The following MACF1 variants were observed in gnomAD, a reference collection of about 807,000 sequenced individuals.
MACF1 encodes the protein microtubule-actin cross-linking factor 1.
MACF1 carries 193 observed loss-of-function variants against 854.8 expected under a neutral mutation model. That is an observed-to-expected ratio of 0.23 (90% confidence interval 0.20 to 0.25). The LOEUF (loss-of-function observed/expected upper bound fraction) is 0.25, where lower values mean the gene tolerates loss of function less well. MACF1 is among the 10% of genes least tolerant of loss of function. MACF1 has a pLI of 1.00. For missense variants in MACF1, 7,722 were observed against 8,929.1 expected, an observed-to-expected ratio of 0.86 and a Z score of 5.45; for synonymous variants, 3,185 against 3,226.7, an observed-to-expected ratio of 0.99 and a Z score of 0.44.
Position 39,486,072 on chromosome 1 carries a change from A to G in MACF1, c.*278A>G, listed in dbSNP as rs540418317. 2 of 223,156 alleles carry G rather than the reference A, an allele frequency of 9.0e-6. No individual in the cohort carries two copies. Among genetic ancestry groups the G allele is most frequent in the African/African-American group, 4.6e-5 (2 of 43,084 alleles). 13.8% of individuals were successfully genotyped at this position (223,156 alleles called of 1,614,324 possible). The stretch of plus-strand genomic sequence containing the variant: ...AAGGTCAAGATACAAATGTGTATTA[A>G]AAAAAAAAAAGCCTATTAATAGGGT... On this transcript the variant is annotated 3_prime_UTR_variant, in exon 101 of 101. Transcript: ENST00000564288.
chr1:39,458,415 G>T lies in MACF1; in HGVS notation c.21121G>T (p.Val7041Phe). 6.2e-7 allele frequency: 1 copy of T among 1,614,076 alleles called. No individual in the cohort carries two copies. Among genetic ancestry groups the T allele is most frequent in the South Asian group, 1.1e-5 (1 of 91,070 alleles). ...TCGCAAACAGCCTGACGTGGACCGG[G>T]TCACCAAGACATACAAAAGGAAAAA... ...MTRKQPDVDR[V>F]TKTYKRKNIE... The change falls in exon 90 of 101, where the codon GTC becomes TTC. Residue 7041 changes from valine to phenylalanine, a missense_variant. Physicochemically the swap from Val to Phe is conservative, Grantham distance 50. Around this residue, in one of 15 missense-constraint regions of MACF1, gnomAD observed 729 missense variants for 900.5 expected, o/e 0.81. Coordinates refer to ENST00000564288, the MANE Select transcript of MACF1 (RefSeq NM_001394062.1).
chr1:39,338,504 A>G (rs1646867205), intron 38 of MACF1, among the ~76,000 whole-genome samples: 1 of 152,208 alleles, frequency 6.6e-6, no homozygotes, highest in African/African-American at 2.4e-5. Flanking sequence ...ACGGGCTTAT[A>G]ATTGGTTTAA....
chr1:39,208,578 C>T (rs1644479887), intron 1 of MACF1, among the ~76,000 whole-genome samples: 1 of 151,902 alleles, frequency 6.6e-6, no homozygotes, highest in Non-Finnish European at 1.5e-5. Flanking sequence ...CTCAACCTCC[C>T]GAGTAGCTGA....
At position 39,332,742 on chromosome 1, in the gene MACF1, C is replaced by T; in HGVS notation, c.6154C>T (p.Pro2052Ser). Reference sequence around the variant, plus strand: ...GTTTTCTTCTCAGAACAAAGAATATCCCGATCGGGAAGATTGCACTACAGA... The same window carrying T: ...GTTTTCTTCTCAGAACAAAGAATATTCCGATCGGGAAGATTGCACTACAGA... ...FQFSSQNKEY[P>S]DREDCTTEKG... The change falls in exon 37 of 101, where the codon CCC becomes TCC. Residue 2052 changes from proline to serine, a missense_variant. Pro to Ser is a moderately conservative substitution (Grantham distance 74, BLOSUM62 -1). Around this residue, in one of 15 missense-constraint regions of MACF1, gnomAD observed 1,531 missense variants for 1,601.6 expected, o/e 0.96. Coordinates refer to ENST00000564288, the MANE Select transcript of MACF1 (RefSeq NM_001394062.1). 3 of 1,614,118 alleles carry T rather than the reference C, an allele frequency of 1.9e-6. No individual in the cohort carries two copies. The highest frequency in any genetic ancestry group is 1.7e-6 in the Non-Finnish European group (2 of 1,180,028).
intron 6 of MACF1, among the ~76,000 whole-genome samples, chr1:39,277,717 G>C (rs1645464479): frequency 6.6e-6 from 1 of 152,120 alleles, no homozygotes; most frequent in African/African-American, 2.4e-5. Context: ...TTGCTAGTTT[G>C]GATTACTTGC....
At chr1:39,180,345 G>T (rs559813449) in intron 2 of MACF1, among the ~76,000 whole-genome samples, 2 of 152,198 alleles carry the variant, frequency 1.3e-5, no homozygotes, top group East Asian at 3.9e-4. Flanking sequence ...GCCAGGCATG[G>T]TGGCTCGTAT....
At chr1:39,104,329 A>AT (rs1444975735) in intron 2 of MACF1, among the ~76,000 whole-genome samples, 1 of 152,182 alleles carries the variant, frequency 6.6e-6, no homozygotes, top group Non-Finnish European at 1.5e-5. Context: ...GGATCAAATG[A>AT]TGTTGGGAGC....
chr1:39,222,842 C>A (rs867236023), intron 1 of MACF1, among the ~76,000 whole-genome samples: 2 of 152,092 alleles, frequency 1.3e-5, no homozygotes, highest in African/African-American at 4.8e-5. Flanking sequence ...TTTTCTGTGG[C>A]CTTTGGAAAC....
At chr1:39,228,732 C>T (rs919636926) in intron 1 of MACF1, among the ~76,000 whole-genome samples, 7 of 152,354 alleles carry the variant, frequency 4.6e-5, no homozygotes, top group African/African-American at 1.4e-4. Context: ...CAGCTCACTG[C>T]AACCTCCGCC....
chr1:39,285,662 A>G lies in MACF1; in HGVS notation c.1412A>G (p.Tyr471Cys). Reference protein sequence around the residue: ...PVQCESDVIMYIQECEGLIRQ... With the variant: ...PVQCESDVIMCIQECEGLIRQ... ...CAATGTGAGTCAGATGTCATTATGT[A>G]CATTCAGGAGTGTGAAGGTCTCATC... Residue 471 changes from tyrosine (Y) to cysteine (C), a missense_variant, in exon 14 of 101, where the codon TAC (tyrosine) becomes TGC (cysteine). Around this residue, in one of 15 missense-constraint regions of MACF1, gnomAD observed 1,137 missense variants for 1,263.0 expected, o/e 0.90. Coordinates refer to ENST00000564288, the MANE Select transcript of MACF1 (RefSeq NM_001394062.1). 2 of 1,614,008 alleles carry G rather than the reference A, an allele frequency of 1.2e-6. No individual in the cohort carries two copies. Among genetic ancestry groups the G allele is most frequent in the Non-Finnish European group, 8.5e-7 (1 of 1,179,974 alleles).
At chr1:39,164,062 T>A (rs906145738) in intron 2 of MACF1, among the ~76,000 whole-genome samples, 2 of 152,212 alleles carry the variant, frequency 1.3e-5, no homozygotes, top group Non-Finnish European at 2.9e-5. Flanking sequence ...GCATTCTTTA[T>A]ACCTTTATCT....
At chr1:39,384,389 T>C (rs1186486473) in intron 56 of MACF1, among the ~76,000 whole-genome samples, 1 of 152,234 alleles carries the variant, frequency 6.6e-6, no homozygotes, top group Non-Finnish European at 1.5e-5. Flanking sequence ...CTGAGTACTT[T>C]CTATAAATTA....
chr1:39,412,804 C>T, intron 58 of MACF1: 1 of 1,612,614 alleles, frequency 6.2e-7, no homozygotes, highest in Non-Finnish European at 8.5e-7. Flanking sequence ...CAAAGATGCC[C>T]TAGATGCTGC....
At chr1:39,250,607 C>G (rs1032209315) in intron 3 of MACF1, among the ~76,000 whole-genome samples, 3 of 152,142 alleles carry the variant, frequency 2.0e-5, no homozygotes, top group Non-Finnish European at 4.4e-5. Context: ...CACTTTCTCC[C>G]TTCTGTGATT....
intron 61 of MACF1, among the ~76,000 whole-genome samples, chr1:39,426,880 T>C (rs1643746995): frequency 6.6e-6 from 1 of 152,150 alleles, no homozygotes; most frequent in Non-Finnish European, 1.5e-5. Context: ...AGTTATGTTC[T>C]GGGGCTTGAA....
chr1:39,402,768 G>T (rs1642526720), intron 58 of MACF1, among the ~76,000 whole-genome samples: 1 of 152,174 alleles, frequency 6.6e-6, no homozygotes, highest in Admixed American at 6.5e-5. Context: ...TAGTGGCCTT[G>T]TCTGCCTCAC....
Position 39,370,081 on chromosome 1 carries a change from G to C in MACF1, c.12990G>C (p.Leu4330=). The part of the protein sequence containing the change: ...CQEQLDEFRK[L]VRTFQKWLKE... ...AACAGTTGGATGAATTCCGGAAGCT[G>C]GTCAGGACCTTCCAGAAATGGTTGA... Residue 4330 remains leucine, a synonymous_variant, in exon 51 of 101, where the codon CTG becomes CTC. Coordinates refer to ENST00000564288, the MANE Select transcript of MACF1 (RefSeq NM_001394062.1). The C allele has an allele frequency of 6.2e-7, 1 of 1,614,088 alleles. No individual in the cohort carries two copies. Among genetic ancestry groups the C allele is most frequent in the Non-Finnish European group, 8.5e-7 (1 of 1,179,978 alleles).
intron 4 of MACF1, 88 bp downstream of exon 4, chr1:39,252,029 T>C: frequency 1.2e-6 from 1 of 821,364 alleles, no homozygotes; most frequent in Non-Finnish European, 1.7e-6. Flanking sequence ...GGTCTCGAAG[T>C]AGTTCAGTTA....
At chr1:39,451,261 T>G (rs747304996) in intron 85 of MACF1, 50 bp downstream of exon 85, 10 of 1,567,680 alleles carry the variant, frequency 6.4e-6, no homozygotes, top group Non-Finnish European at 8.7e-6. Context: ...CTTCTGTATA[T>G]GACTGCCTAG....
Sources: allele counts gnomAD v4.1 joint callset (sites outside exome capture counted in the v4.1 genomes callset), GRCh38; gene constraint gnomAD v4.1.1; regional missense constraint gnomAD v4.1.1; transcripts MANE v1.5; gene names NCBI Gene and HGNC (gene_info 2026-07-23, HGNC 2026-07-21).